Variants in AIG1 observed in about 807,000 individuals in gnomAD.
AIG1 encodes the protein androgen induced 1.
Under a neutral mutation model 31.4 loss-of-function variants are expected in AIG1, and 23 were observed. The observed-to-expected ratio is 0.73, with a 90% CI of 0.53 to 1.04. The LOEUF (loss-of-function observed/expected upper bound fraction) is 1.04. Ranked by LOEUF, AIG1 falls within the 50% of genes least tolerant of loss-of-function variation. AIG1 has a pLI of 0.00. For synonymous variants in AIG1, 100 were observed against 110.5 expected, an observed-to-expected ratio of 0.90 and a Z score of 0.60; for missense variants, 274 against 295.0, an observed-to-expected ratio of 0.93 and a Z score of 0.52.
In AIG1 at chr6:143,311,777, A is replaced by T. The variant is rs532592880; in HGVS notation, c.516-21505A>T. On this transcript the variant is annotated intron_variant, in intron 4 of 5. Coordinates refer to ENST00000357847, the MANE Select transcript of AIG1 (RefSeq NM_016108.4). ...TCCAAAATGGAAAGGAAGTCAAATT[A>T]TCCTTGTTTGTATGATCTTATGTTT... Among the ~76,000 whole-genome samples the T allele has an allele frequency of 3.1e-3, 467 of 152,074 alleles. 3 individuals are homozygous for T. Among genetic ancestry groups the T allele is most frequent in the Non-Finnish European group, 5.4e-3 (366 of 67,872 alleles).
At chr6:143,059,450 A>AT (rs147437797), upstream of AIG1, among the ~76,000 whole-genome samples, 14 of 151,974 alleles carry the variant, frequency 9.2e-5, no homozygotes, top group Non-Finnish European at 2.1e-4. Flanking sequence ...TTTTATTTTT[A>AT]TTTTTTTGGC....
Position 143,167,484 on chromosome 6 carries a change from G to A in AIG1, c.399+2301G>A, listed in dbSNP as rs185665625. On this transcript the variant is annotated intron_variant, in intron 3 of 5. Coordinates refer to ENST00000357847, the MANE Select transcript of AIG1 (RefSeq NM_016108.4). Reference sequence around the variant, plus strand: ...TCATGTGCTATAGAATTAAAGTCTCGGCCACTTTGGCTTATTGTTAACAGG... The same window carrying A: ...TCATGTGCTATAGAATTAAAGTCTCAGCCACTTTGGCTTATTGTTAACAGG... 8.5e-5 allele frequency among the ~76,000 whole-genome samples: 13 copies of A among 152,176 alleles called. No individual in the cohort carries two copies. In the East Asian group the frequency reaches 1.3e-3, roughly 16 times the overall value.
intron 1 of AIG1, among the ~76,000 whole-genome samples, chr6:143,063,433 A>G (rs1776427982): frequency 6.6e-6 from 1 of 152,234 alleles, no homozygotes; most frequent in Non-Finnish European, 1.5e-5. Flanking sequence ...TGTCTGAGAT[A>G]TATTCATAAA....
At chr6:143,321,706 G>A (rs1776230120) in intron 4 of AIG1, among the ~76,000 whole-genome samples, 1 of 152,178 alleles carries the variant, frequency 6.6e-6, no homozygotes, top group Admixed American at 6.5e-5. Context: ...CAGTTGGTGG[G>A]GCAGGGAGTT....
intron 3 of AIG1, among the ~76,000 whole-genome samples, chr6:143,224,731 T>G (rs1032714242): frequency 1.3e-5 from 2 of 152,174 alleles, no homozygotes; most frequent in Non-Finnish European, 2.9e-5. Flanking sequence ...CTTCCTGTTA[T>G]AACAATGTTT....
At chr6:143,202,366 G>T (rs1790763423) in intron 3 of AIG1, among the ~76,000 whole-genome samples, 1 of 152,092 alleles carries the variant, frequency 6.6e-6, no homozygotes, top group Admixed American at 6.6e-5. Context: ...AAAACAGGCA[G>T]ATTCTTGGCT....
intron 3 of AIG1, among the ~76,000 whole-genome samples, chr6:143,197,737 C>T (rs150845905): frequency 6.6e-6 from 1 of 152,140 alleles, no homozygotes; most frequent in South Asian, 2.1e-4. Context: ...TTGGGTAGAA[C>T]AGAGCCTCAC....
In AIG1 at chr6:143,328,377, T is replaced by C. The variant is rs1017241196; in HGVS notation, c.516-4905T>C. ...AATGAAAGGCATCTGAACATATTCA[T>C]CAGCTATGAAAAACATTGGTTTGAA... On this transcript the variant is annotated intron_variant, in intron 4 of 5. Coordinates refer to ENST00000357847, the MANE Select transcript of AIG1 (RefSeq NM_016108.4). This position sits in a 1 kb window ranked among gnomAD's most constrained non-coding sequence, Gnocchi z 4.0. 2.6e-5 allele frequency among the ~76,000 whole-genome samples: 4 copies of C among 152,138 alleles called. No homozygotes were observed. The highest frequency in any genetic ancestry group is 9.7e-5 in the African/African-American group (4 of 41,442).
chr6:143,159,282 T>C (rs1375689366), intron 2 of AIG1, among the ~76,000 whole-genome samples: 3 of 152,138 alleles, frequency 2.0e-5, no homozygotes, highest in African/African-American at 4.8e-5. Context: ...CAGGCCGAGG[T>C]TGGAGAGAAA....
intron 1 of AIG1, among the ~76,000 whole-genome samples, chr6:143,062,240 A>G (rs2128455032): frequency 1.3e-5 from 2 of 152,354 alleles, no homozygotes; most frequent in South Asian, 2.1e-4. Flanking sequence ...TGGAATTTCA[A>G]TTCTGTTGCC....
chr6:143,232,909 G>A (rs1793545651), intron 3 of AIG1, among the ~76,000 whole-genome samples: 1 of 152,144 alleles, frequency 6.6e-6, no homozygotes, highest in African/African-American at 2.4e-5. Context: ...GACACTTAAA[G>A]CGATGTCCTT....
chr6:143,088,781 G>A (rs1230286210), intron 1 of AIG1, among the ~76,000 whole-genome samples: 1 of 152,086 alleles, frequency 6.6e-6, no homozygotes, highest in Non-Finnish European at 1.5e-5. Context: ...AGGAAACATG[G>A]GATTGAAATC....
chr6:143,084,141 C>T (rs1032829280), intron 1 of AIG1, among the ~76,000 whole-genome samples: 39 of 152,044 alleles, frequency 2.6e-4, no homozygotes, highest in African/African-American at 9.2e-4. Context: ...CCTTCTGGCC[C>T]TCAATGGTCA....
Position 143,231,552 on chromosome 6 carries a change from C to T in AIG1, c.400-52558C>T, listed in dbSNP as rs56919655. 4.6e-3 allele frequency among the ~76,000 whole-genome samples: 693 copies of T among 152,166 alleles called. 5 individuals are homozygous for T. Among genetic ancestry groups the T allele is most frequent in the African/African-American group, 0.015 (635 of 41,496 alleles). Reference sequence around the variant, plus strand: ...CATGGGCATAGCTATAGACCAGTAACGTCCAGCAGAAATATAATGCAAGCC... The same window carrying T: ...CATGGGCATAGCTATAGACCAGTAATGTCCAGCAGAAATATAATGCAAGCC... On this transcript the variant is annotated intron_variant, in intron 3 of 5. Transcript: ENST00000357847.
chr6:143,163,141 C>T (rs1304371986), intron 2 of AIG1, among the ~76,000 whole-genome samples: 2 of 152,192 alleles, frequency 1.3e-5, no homozygotes, highest in African/African-American at 4.8e-5. Flanking sequence ...AGGCTGGAAT[C>T]ATGGGGCGGG....
intron 3 of AIG1, among the ~76,000 whole-genome samples, chr6:143,278,462 T>C (rs1797098313): frequency 6.6e-6 from 1 of 151,402 alleles, no homozygotes. Flanking sequence ...CTTTTTTCTT[T>C]TCTTTTTTTT....
chr6:143,071,403 G>T (rs1212997538), intron 1 of AIG1, among the ~76,000 whole-genome samples: 1 of 152,196 alleles, frequency 6.6e-6, no homozygotes, highest in Non-Finnish European at 1.5e-5. Context: ...CATTCATGCA[G>T]AGGTTTTTGT....
chr6:143,060,637 G>A (rs567951675), upstream of AIG1: 162 of 458,060 alleles, frequency 3.5e-4, 1 homozygote, highest in South Asian at 2.5e-3. Flanking sequence ...TGCGAACGCA[G>A]GAGCAGAATG....
intron 4 of AIG1, among the ~76,000 whole-genome samples, chr6:143,285,418 T>A (rs972109310): frequency 6.6e-6 from 1 of 150,976 alleles, no homozygotes. Context: ...TCCCAGCACT[T>A]TGGGACGCCC....
Sources: gnomAD v4.1 joint callset for allele counts (sites outside exome capture counted in the v4.1 genomes callset) on GRCh38, gnomAD v4.1.1 for gene constraint, Gnocchi (gnomAD v3.1) non-coding constraint, MANE v1.5 for transcripts, NCBI Gene and HGNC (gene_info 2026-07-23, HGNC 2026-07-21) for gene names.